The following PLXNA4 variants were observed in gnomAD, a reference collection of about 807,000 sequenced individuals.
PLXNA4 encodes plexin-A4.
In PLXNA4, 44 loss-of-function variants were observed where a neutral mutation model predicts 191.8. That is an observed-to-expected ratio of 0.23 (90% CI 0.18 to 0.29). PLXNA4 has a LOEUF of 0.29. Among genes scored for constraint, PLXNA4 ranks in the 10% least tolerant of loss-of-function variants. The probability of loss-of-function intolerance (pLI) is 1.00; values close to 1 mark genes in which losing one functional copy is unlikely to be tolerated. For synonymous variants in PLXNA4, 1,082 were observed against 1,009.5 expected, an observed-to-expected ratio of 1.07 and a Z score of -1.36; for missense variants, 1,800 against 2,488.8, an observed-to-expected ratio of 0.72 and a Z score of 5.89.
At chr7:132,515,603 G>A (rs536837468) in intron 1 of PLXNA4, among the ~76,000 whole-genome samples, 3 of 152,236 alleles carry the variant, frequency 2.0e-5, no homozygotes, top group African/African-American at 7.2e-5. Flanking sequence ...CAGATAGCGA[G>A]GCACAATCCC....
At position 132,178,719 on chromosome 7, in the gene PLXNA4, CACACACACACACTTGTAAATGAAACACAT is replaced by C. The variant is rs1562900951; in HGVS notation, c.3874+939_3874+967del. 2.2e-3 allele frequency among the ~76,000 whole-genome samples: 277 copies of C among 126,524 alleles called. 3 individuals carry two copies. The highest frequency in any genetic ancestry group is 0.01 in the African/African-American group (269 of 26,560). The allele number at this position is 126,524 out of a possible 152,430, so 83.0% of individuals were successfully genotyped here. A position where few individuals can be genotyped will look rare whatever the true frequency, so the allele number is the denominator to read the frequency against. ...AAACACATACACATACACATACACA[CACACACACACACTTGTAAATGAAACACAT>C]ACACACACACACACACACACACACA... On this transcript the variant is annotated intron_variant, in intron 20 of 31. Transcript: ENST00000321063.
chr7:132,266,109 C>G (rs544345631), intron 4 of PLXNA4: 7 of 151,852 alleles, frequency 4.6e-5, no homozygotes, highest in Admixed American at 3.9e-4. Flanking sequence ...GAATCCAGCT[C>G]TAGGGAAAAA....
intron 3 of PLXNA4, among the ~76,000 whole-genome samples, chr7:132,437,489 G>T (rs1057225387): frequency 6.6e-6 from 1 of 151,654 alleles, no homozygotes; most frequent in Non-Finnish European, 1.5e-5. Flanking sequence ...GTGTATGTGT[G>T]AGAGTTAGGG....
intron 2 of PLXNA4, among the ~76,000 whole-genome samples, chr7:132,494,776 T>A (rs1285719441): frequency 6.6e-6 from 1 of 152,208 alleles, no homozygotes; most frequent in Non-Finnish European, 1.5e-5. Context: ...GCAGAGAGAT[T>A]GGCACTCTGA....
intron 8 of PLXNA4, among the ~76,000 whole-genome samples, chr7:132,225,835 T>A (rs1036300179): frequency 2.6e-5 from 4 of 152,142 alleles, no homozygotes; most frequent in Non-Finnish European, 4.4e-5. Flanking sequence ...CAACAGATGG[T>A]GGAGATGGAA....
At chr7:132,546,899 T>C (rs1800333265) in intron 1 of PLXNA4, among the ~76,000 whole-genome samples, 1 of 152,084 alleles carries the variant, frequency 6.6e-6, no homozygotes, top group Non-Finnish European at 1.5e-5. Flanking sequence ...GTCCAACCCA[T>C]GAGATTCACA....
intron 4 of PLXNA4, among the ~76,000 whole-genome samples, chr7:132,277,418 A>G (rs745548784): frequency 6.6e-6 from 1 of 152,198 alleles, no homozygotes; most frequent in Non-Finnish European, 1.5e-5. Context: ...CAAGCCAATT[A>G]TAAGCCCTGG....
At chr7:132,430,209 G>T (rs899151165) in intron 3 of PLXNA4, among the ~76,000 whole-genome samples, 1 of 151,994 alleles carries the variant, frequency 6.6e-6, no homozygotes, top group Non-Finnish European at 1.5e-5. Flanking sequence ...GCCTATTCTG[G>T]CATCATGCCA....
intron 3 of PLXNA4, among the ~76,000 whole-genome samples, chr7:132,332,163 G>A (rs1802613793): frequency 6.6e-6 from 1 of 152,190 alleles, no homozygotes; most frequent in African/African-American, 2.4e-5. Context: ...CCTGTGAAGG[G>A]AGTGGAAGGA....
Position 132,411,618 on chromosome 7 carries a change from C to T in PLXNA4, c.1371+77674G>A, listed in dbSNP as rs528432765. Among the ~76,000 whole-genome samples, 3 of 152,270 alleles carry T rather than the reference C, an allele frequency of 2.0e-5. No homozygotes were observed. The South Asian group carries it at 6.2e-4, about 32-fold the overall frequency. On this transcript the variant is annotated intron_variant, in intron 3 of 31. Transcript: ENST00000321063. Reference sequence around the variant, plus strand: ...ACTTCTGCCACCATCTGAGCACGAGCCTTCTGAGTCCAAATTCCCTGTATA... The same window carrying T: ...ACTTCTGCCACCATCTGAGCACGAGTCTTCTGAGTCCAAATTCCCTGTATA...
intron 4 of PLXNA4, among the ~76,000 whole-genome samples, chr7:132,290,026 A>G (rs1041930798): frequency 1.3e-5 from 2 of 152,062 alleles, no homozygotes; most frequent in Non-Finnish European, 2.9e-5. Context: ...TGGGCAGGGA[A>G]CTCACCTCCA....
chr7:132,292,732 G>C (rs761779756), intron 4 of PLXNA4, among the ~76,000 whole-genome samples: 55 of 152,196 alleles, frequency 3.6e-4, no homozygotes, highest in Admixed American at 7.2e-4. Context: ...TAATTCATAG[G>C]GATGGGAAAT....
intron 3 of PLXNA4, among the ~76,000 whole-genome samples, chr7:132,405,662 C>T (rs1005317014): frequency 6.6e-6 from 1 of 152,198 alleles, no homozygotes; most frequent in Non-Finnish European, 1.5e-5. Flanking sequence ...CACAGCCCAT[C>T]ACTTGCAGAG....
At chr7:132,570,689 G>T (rs769270062) in intron 1 of PLXNA4, among the ~76,000 whole-genome samples, 4 of 152,200 alleles carry the variant, frequency 2.6e-5, no homozygotes, top group Non-Finnish European at 4.4e-5. Context: ...TAAGACCTCG[G>T]GAATTGATTC....
chr7:132,296,464 G>A (rs545719183), intron 4 of PLXNA4, among the ~76,000 whole-genome samples: 6 of 145,928 alleles, frequency 4.1e-5, no homozygotes, highest in Non-Finnish European at 8.9e-5. Flanking sequence ...TAGAGACAAA[G>A]TCTTGCTATG....
chr7:132,594,840 G>A (rs914894360), intron 2 of PLXNA4, among the ~76,000 whole-genome samples: 13 of 152,092 alleles, frequency 8.5e-5, no homozygotes, highest in Non-Finnish European at 1.9e-4. Context: ...GCTACTTCAT[G>A]TGGGAGCTAG....
intron 14 of PLXNA4, 44 bp from the exon 15 acceptor site, chr7:132,187,651 G>A (rs974389481): frequency 3.2e-6 from 5 of 1,571,928 alleles, no homozygotes; most frequent in African/African-American, 2.7e-5. Context: ...AGGAAGGGGT[G>A]GAGGAGGCTT....
chr7:132,593,199 G>A (rs545145703), intron 2 of PLXNA4, among the ~76,000 whole-genome samples: 1 of 152,346 alleles, frequency 6.6e-6, no homozygotes, highest in South Asian at 2.1e-4. Context: ...CACAATTGAC[G>A]CGCAGCGTGG....
In PLXNA4 at chr7:132,322,184, C is replaced by CTTTTTTTTTTTTTTTTTTT. The variant is rs5887566; in HGVS notation, c.1372-23963_1372-23962insAAAAAAAAAAAAAAAAAAA. Among the ~76,000 whole-genome samples the CTTTTTTTTTTTTTTTTTTT allele has an allele frequency of 1.2e-4, 15 of 122,520 alleles. 3 individuals carry two copies. Among genetic ancestry groups the CTTTTTTTTTTTTTTTTTTT allele is most frequent in the Non-Finnish European group, 2.1e-4 (12 of 58,182 alleles). The allele number at this position is 122,520 out of a possible 152,430, so 80.4% of individuals were successfully genotyped here. A position where few individuals can be genotyped will look rare whatever the true frequency, so the allele number is the denominator to read the frequency against. ...CTAGAGTTCAATTTCCCTAAAAGGG[C>CTTTTTTTTTTTTTTTTTTT]TTTTTTTTTTTTTTTTTTAACAGAG... On this transcript the variant is annotated intron_variant, in intron 3 of 31. Coordinates refer to ENST00000321063, the MANE Select transcript of PLXNA4 (RefSeq NM_020911.2).
Sources: allele counts gnomAD v4.1 joint callset (sites outside exome capture counted in the v4.1 genomes callset), GRCh38; gene constraint gnomAD v4.1.1; transcripts MANE v1.5; gene names NCBI Gene and HGNC (gene_info 2026-07-23, HGNC 2026-07-21).